The following RARS2 variants were observed in gnomAD, a reference collection of about 807,000 sequenced individuals.
The protein encoded by RARS2 is arginyl-tRNA synthetase 2, mitochondrial.
In RARS2, 67 loss-of-function variants were observed where a neutral mutation model predicts 88.5. The observed-to-expected ratio is 0.76, with a 90% CI of 0.62 to 0.93. The LOEUF (loss-of-function observed/expected upper bound fraction) is 0.93, where lower values mean the gene tolerates loss of function less well. RARS2 is among the 40% of genes least tolerant of loss of function. The pLI is 0.00. For synonymous variants in RARS2, 239 were observed against 230.3 expected (o/e 1.04, Z -0.34); for missense variants, 664 against 684.2 (o/e 0.97, Z 0.33).
At chr6:87,525,116 T>A (rs758044331) in intron 10 of RARS2, among the ~76,000 whole-genome samples, 1 of 152,200 alleles carries the variant, frequency 6.6e-6, no homozygotes, top group Non-Finnish European at 1.5e-5. Context: ...ATCTAAAAAT[T>A]TTCCTTAAGG....
chr6:87,531,122 C>T (rs1777405087), intron 8 of RARS2, among the ~76,000 whole-genome samples, 180 bp from the exon 9 acceptor site: 1 of 152,084 alleles, frequency 6.6e-6, no homozygotes, highest in South Asian at 2.1e-4. Flanking sequence ...ATATAGACCC[C>T]TTCTCAAAAT....
chr6:87,538,579 T>G (rs1158367246), intron 8 of RARS2, among the ~76,000 whole-genome samples: 2 of 152,016 alleles, frequency 1.3e-5, no homozygotes, highest in Non-Finnish European at 2.9e-5. Flanking sequence ...AGACTTCACC[T>G]CCACAAAAAA....
chr6:87,579,595 C>A (rs980757780), intron 1 of RARS2, among the ~76,000 whole-genome samples: 4 of 151,286 alleles, frequency 2.6e-5, no homozygotes, highest in Non-Finnish European at 5.9e-5. Context: ...TTTAACAATG[C>A]CCAAAGTAGT....
At chr6:87,522,333 T>TAAAAA (rs34710568) in intron 11 of RARS2, among the ~76,000 whole-genome samples, 24 of 88,590 alleles carry the variant, frequency 2.7e-4, no homozygotes, top group Non-Finnish European at 3.6e-4. Flanking sequence ...CCGTCTCAAT[T>TAAAAA]AAAAAAAAAA....
At chr6:87,567,010 A>G (rs948319784) in intron 2 of RARS2, among the ~76,000 whole-genome samples, 1 of 151,958 alleles carries the variant, frequency 6.6e-6, no homozygotes, top group Admixed American at 6.6e-5. Context: ...TCCTGAGCTC[A>G]AGCAATCCTT....
rs143691698 is a variant in RARS2 at position 87,585,506 on chromosome 6, G to A, written c.36+4416C>T. On this transcript the variant is annotated intron_variant, in intron 1 of 19. Transcript: ENST00000369536. ...GGCACTTTGGGAGGCTGAGATGGGT[G>A]GATCATGAGGTCAGGAGATCGAGAC... 5.1e-3 allele frequency among the ~76,000 whole-genome samples: 771 copies of A among 152,252 alleles called. 11 individuals carry two copies. Among genetic ancestry groups the A allele is most frequent in the African/African-American group, 0.018 (744 of 41,536 alleles).
intron 4 of RARS2, among the ~76,000 whole-genome samples, chr6:87,559,232 A>C (rs1177982087): frequency 6.6e-6 from 1 of 152,070 alleles, no homozygotes; most frequent in Non-Finnish European, 1.5e-5. Flanking sequence ...AAAAATGAAA[A>C]GTTTATAAAA....
intron 8 of RARS2, among the ~76,000 whole-genome samples, chr6:87,540,498 T>C (rs1415084751): frequency 6.7e-6 from 1 of 148,854 alleles, no homozygotes; most frequent in African/African-American, 2.5e-5. Flanking sequence ...TCAATTTAAC[T>C]GCAAAGCCAG....
In RARS2 at chr6:87,589,937, G is replaced by C. The variant is rs777933681; in HGVS notation, c.21C>G (p.Arg7=). 3.7e-6 allele frequency: 6 copies of C among 1,614,186 alleles called. No homozygotes were observed. The highest frequency in any genetic ancestry group is 1.7e-4 in the Middle Eastern group (1 of 6,058). ...GGATCCATACCTGGCAAGCAATAGC[G>C]CGGCGAAAGCCGCACGCCATGTCCA... MACGFR[R]AIACQLSRVL... The change falls in exon 1 of 20, where the codon CGC becomes CGG. Residue 7 remains arginine, a synonymous_variant. Transcript: ENST00000369536.
chr6:87,520,139 G>C (rs1175863750), intron 13 of RARS2, 41 bp downstream of exon 13: 1 of 1,532,236 alleles, frequency 6.5e-7, no homozygotes, highest in Non-Finnish European at 9.0e-7. Context: ...TTCAGGCTCA[G>C]CTGACCCTGC....
At chr6:87,543,227 TG>T (rs1781571972) in intron 7 of RARS2, among the ~76,000 whole-genome samples, 1 of 151,870 alleles carries the variant, frequency 6.6e-6, no homozygotes, top group South Asian at 2.1e-4. Flanking sequence ...CGCTTGAACC[TG>T]GGAGGCGGAG....
Position 87,524,699 on chromosome 6 carries a change from C to A in RARS2, c.879-47G>T, listed in dbSNP as rs193210513. ...TCTGAAGCAACATAATAAATTCAGA[C>A]CTTTAAAATTTTAATATCTAAAACA... On this transcript the variant is annotated intron_variant, in intron 10 of 19. Coordinates refer to ENST00000369536, the MANE Select transcript of RARS2 (RefSeq NM_020320.5). The A allele has an allele frequency of 2.4e-5, 33 of 1,379,938 alleles. No individual in the cohort carries two copies. In the African/African-American group the frequency reaches 4.4e-4, roughly 19 times the overall value. The allele number at this position is 1,379,938 out of a possible 1,614,324, so 85.5% of individuals were successfully genotyped here.
At position 87,520,216 on chromosome 6, in the gene RARS2, T is replaced by C. The variant is rs1365454810; in HGVS notation, c.1076A>G (p.Gln359Arg). 2 of 1,613,438 alleles carry C rather than the reference T, an allele frequency of 1.2e-6. No individual in the cohort carries two copies. The highest frequency in any genetic ancestry group is 1.7e-6 in the Non-Finnish European group (2 of 1,179,674). ...GQKKHFQQVF[Q>R]MLKIMGYDWA... The stretch of plus-strand genomic sequence containing the variant: ...GTCATATCCCATGATCTTCAGCATT[T>C]GGAATACTTGCTGAAAATGCTTTTT... The change falls in exon 13 of 20, where the codon CAA becomes CGA. Residue 359 changes from glutamine to arginine, a missense_variant. By Grantham distance (43) the Gln-to-Arg change is conservative (BLOSUM62 1). Transcript: ENST00000369536.
chr6:87,548,801 A>T (rs538874328), intron 5 of RARS2, among the ~76,000 whole-genome samples, 155 bp from the exon 6 acceptor site: 11 of 152,346 alleles, frequency 7.2e-5, no homozygotes, highest in African/African-American at 2.4e-4. Context: ...AGCAAAGATA[A>T]ATTAGAACTC....
At chr6:87,538,992 C>T (rs1181435007) in intron 8 of RARS2, among the ~76,000 whole-genome samples, 2 of 151,504 alleles carry the variant, frequency 1.3e-5, no homozygotes, top group African/African-American at 4.9e-5. Flanking sequence ...CGTGATTGTG[C>T]CACTATATTC....
chr6:87,531,018 A>C, intron 8 of RARS2, 76 bp from the exon 9 acceptor site: 1 of 1,591,216 alleles, frequency 6.3e-7, no homozygotes, highest in Non-Finnish European at 8.5e-7. Flanking sequence ...AAAGCAAAAA[A>C]AGCACATTCT....
At chr6:87,533,733 T>C (rs981264124) in intron 8 of RARS2, among the ~76,000 whole-genome samples, 1 of 152,242 alleles carries the variant, frequency 6.6e-6, no homozygotes, top group Non-Finnish European at 1.5e-5. Context: ...CATTTTATTT[T>C]GAATTTAACT....
chr6:87,524,793 C>T, intron 10 of RARS2, 141 bp from the exon 11 acceptor site: 1 of 669,044 alleles, frequency 1.5e-6, no homozygotes, highest in Admixed American at 2.4e-5. Flanking sequence ...CTTTAATCAA[C>T]AATGGAAAAA....
At chr6:87,545,568 A>G in intron 7 of RARS2, 48 bp downstream of exon 7, 2 of 1,611,924 alleles carry the variant, frequency 1.2e-6, no homozygotes, top group South Asian at 2.2e-5. Context: ...AGTTTTTACA[A>G]ATTGAATTTT....
Sources: allele counts gnomAD v4.1 joint callset (sites outside exome capture counted in the v4.1 genomes callset), GRCh38; gene constraint gnomAD v4.1.1; transcripts MANE v1.5; gene names NCBI Gene and HGNC (gene_info 2026-07-23, HGNC 2026-07-21).